ANK3: variants seen among roughly 807,000 people sequenced by gnomAD.
ANK3 encodes ankyrin-3.
A neutral mutation model predicts 370.9 loss-of-function variants in ANK3; 57 were observed. That is an observed-to-expected ratio of 0.15 (90% CI 0.12 to 0.19). The LOEUF is 0.19. Ranked by LOEUF, ANK3 falls within the 10% of genes least tolerant of loss-of-function variation. The probability of loss-of-function intolerance (pLI) is 1.00; values close to 1 mark genes in which losing one functional copy is unlikely to be tolerated. For missense variants in ANK3, 4,439 were observed against 5,302.1 expected (o/e 0.84, Z 5.06); for synonymous variants, 1,929 against 1,946.3 (o/e 0.99, Z 0.23).
chr10:60,045,244 C>G (rs976696333), intron 42 of ANK3, among the ~76,000 whole-genome samples: 6 of 152,176 alleles, frequency 3.9e-5, no homozygotes, highest in Admixed American at 3.9e-4. Flanking sequence ...CTTTTACATT[C>G]CAGTAATACA....
intron 2 of ANK3, among the ~76,000 whole-genome samples, chr10:60,577,682 AGG>A (rs2077699995): frequency 1.3e-5 from 2 of 152,178 alleles, no homozygotes; most frequent in African/African-American, 4.8e-5. Flanking sequence ...ACCCAGTCTC[AGG>A]TGTGTCTTTA....
chr10:60,490,775 T>TA (rs757233512), intron 2 of ANK3, among the ~76,000 whole-genome samples: 14 of 152,328 alleles, frequency 9.2e-5, no homozygotes, highest in Non-Finnish European at 1.6e-4. Flanking sequence ...CACCATTTCT[T>TA]AAAAATAGAG....
chr10:60,287,590 A>G (rs1390321929), intron 1 of ANK3, among the ~76,000 whole-genome samples: 1 of 152,228 alleles, frequency 6.6e-6, no homozygotes, highest in East Asian at 1.9e-4. Flanking sequence ...CTTACTATAC[A>G]TGCATTATCA....
At chr10:60,129,749 TCACA>T (rs3045374) in intron 25 of ANK3, among the ~76,000 whole-genome samples, 56,956 of 150,908 alleles carry the variant, frequency 0.38, 11,358 homozygotes, top group African/African-American at 0.52. Context: ...TGAGACTCTG[TCACA>T]CACACACACA....
intron 1 of ANK3, among the ~76,000 whole-genome samples, chr10:60,674,328 C>A (rs2079098286): frequency 6.6e-6 from 1 of 152,060 alleles, no homozygotes; most frequent in Non-Finnish European, 1.5e-5. Context: ...GCAGGCTGTA[C>A]AGGAAGCATG....
At chr10:60,284,653 A>G (rs7076645) in intron 1 of ANK3, among the ~76,000 whole-genome samples, 16,373 of 152,094 alleles carry the variant, frequency 0.11, 1,239 homozygotes, top group East Asian at 0.19. Context: ...ACCTTCAGGT[A>G]TATCTTCCAT....
In ANK3 at chr10:60,070,308, C is replaced by A; in HGVS notation, c.10573G>T (p.Asp3525Tyr). ...FPDTYFSYKV[D>Y]EEFATPFKTV... is the part of the protein sequence containing the mutation. Reference sequence around the variant, plus strand: ...TTAAAAGGAGTGGCAAATTCTTCATCTACTTTGTAACTGAAGTAAGTATCA... The same window carrying A: ...TTAAAAGGAGTGGCAAATTCTTCATATACTTTGTAACTGAAGTAAGTATCA... Residue 3525 changes from aspartate to tyrosine, a missense_variant, in exon 37 of 44, where the codon GAT (aspartate) becomes TAT (tyrosine). Asp to Tyr is a radical substitution (Grantham distance 160, BLOSUM62 -3). Coordinates refer to ENST00000280772, the MANE Select transcript of ANK3 (RefSeq NM_020987.5). The surrounding 1 kb of genome is among the most constrained non-coding windows in gnomAD (Gnocchi z 5.7). 6.2e-7 allele frequency: 1 copy of A among 1,614,156 alleles called. No homozygotes were observed. Among genetic ancestry groups the A allele is most frequent in the Non-Finnish European group, 8.5e-7 (1 of 1,180,012 alleles).
At chr10:60,415,916 G>GAGC (rs1567021986) in intron 2 of ANK3, among the ~76,000 whole-genome samples, 1 of 81,190 alleles carries the variant, frequency 1.2e-5, no homozygotes, top group Admixed American at 1.2e-4. Flanking sequence ...CTGAATTTGT[G>GAGC]CCCCCCACCC....
At position 60,077,263 on chromosome 10, in the gene ANK3, GGAAAA is replaced by G. The variant is rs570945447; in HGVS notation, c.4433-820_4433-816del. 7.2e-4 allele frequency among the ~76,000 whole-genome samples: 109 copies of G among 152,032 alleles called. 2 individuals are homozygous for G. The highest frequency in any genetic ancestry group is 2.3e-3 in the African/African-American group (97 of 41,484). ...ATGCAGTATATTCCTTTTGATGAGA[GGAAAA>G]GAAAACATAATATGAAATGACTTTA... is the stretch of plus-strand genomic sequence containing the variant. On this transcript the variant is annotated intron_variant, in intron 36 of 43. Transcript: ENST00000280772.
chr10:60,428,492 TA>T (rs1233659001), intron 2 of ANK3, among the ~76,000 whole-genome samples: 4 of 152,330 alleles, frequency 2.6e-5, no homozygotes, highest in Admixed American at 1.3e-4. Flanking sequence ...GGTTATTTTT[TA>T]AGTGACTTGA....
intron 1 of ANK3, among the ~76,000 whole-genome samples, chr10:60,368,773 C>A (rs750501726): frequency 5.9e-5 from 9 of 152,118 alleles, no homozygotes; most frequent in Non-Finnish European, 1.2e-4. Context: ...TCCCCATTCA[C>A]GTACTTCTGA....
intron 2 of ANK3, among the ~76,000 whole-genome samples, chr10:60,566,485 T>C (rs1466905538): frequency 6.6e-6 from 1 of 152,144 alleles, no homozygotes. Context: ...TTGAAGGAAA[T>C]TAATGTGCTA....
chr10:60,416,645 G>A (rs2063674998), intron 2 of ANK3, among the ~76,000 whole-genome samples: 1 of 152,146 alleles, frequency 6.6e-6, no homozygotes. Flanking sequence ...AGCCATCTAA[G>A]GCTATTTACA....
At chr10:60,508,889 G>A (rs939676004) in intron 2 of ANK3, among the ~76,000 whole-genome samples, 1 of 152,122 alleles carries the variant, frequency 6.6e-6, no homozygotes, top group East Asian at 1.9e-4. Context: ...ACAATTGATT[G>A]CTCTTCAGTT....
intron 2 of ANK3, among the ~76,000 whole-genome samples, chr10:60,506,481 CAT>C (rs1326361741): frequency 6.6e-6 from 1 of 152,080 alleles, no homozygotes; most frequent in African/African-American, 2.4e-5. Context: ...ATACTCCAAA[CAT>C]AAACACAATT....
intron 11 of ANK3, 90 bp from the exon 12 acceptor site, chr10:60,203,190 T>A: frequency 1.3e-6 from 1 of 787,448 alleles, no homozygotes; most frequent in South Asian, 1.7e-5. Context: ...CATCCACCCA[T>A]CTAAATCAGT....
chr10:60,724,445 A>G (rs1835027733), intron 1 of ANK3, among the ~76,000 whole-genome samples: 1 of 152,098 alleles, frequency 6.6e-6, no homozygotes, highest in Non-Finnish European at 1.5e-5. Flanking sequence ...AAATTTACAT[A>G]TCGATATCCT....
chr10:60,722,290 A>T (rs903650993), intron 1 of ANK3, among the ~76,000 whole-genome samples: 1 of 152,084 alleles, frequency 6.6e-6, no homozygotes, highest in Non-Finnish European at 1.5e-5. Flanking sequence ...AATAAAATTT[A>T]AAATTGCCAG....
chr10:60,457,823 T>C (rs989839437), intron 2 of ANK3, among the ~76,000 whole-genome samples: 1 of 152,044 alleles, frequency 6.6e-6, no homozygotes, highest in Non-Finnish European at 1.5e-5. Flanking sequence ...GTGTGGTATA[T>C]CCTGCCAGAA....
Sources: gnomAD v4.1 joint callset for allele counts (sites outside exome capture counted in the v4.1 genomes callset) on GRCh38, gnomAD v4.1.1 for gene constraint, Gnocchi (gnomAD v3.1) non-coding constraint, MANE v1.5 for transcripts, NCBI Gene and HGNC (gene_info 2026-07-23, HGNC 2026-07-21) for gene names.